ODAD1: variants seen among roughly 807,000 people sequenced by gnomAD.
ODAD1 encodes outer dynein arm docking complex subunit 1, also known as outer dynein arm-docking complex subunit 1.
In ODAD1, 49 loss-of-function variants were observed where a neutral mutation model predicts 67.2. The observed-to-expected ratio is 0.73, with a 90% CI of 0.58 to 0.92. The LOEUF (loss-of-function observed/expected upper bound fraction) is 0.92, where lower values mean the gene tolerates loss of function less well. Ranked by LOEUF, ODAD1 falls within the 40% of genes least tolerant of loss-of-function variation. The pLI, the probability that ODAD1 is intolerant of heterozygous loss-of-function variation, is 0.00. For missense variants in ODAD1, 897 were observed against 953.7 expected (o/e 0.94, Z 0.78); for synonymous variants, 345 against 393.7 (o/e 0.88, Z 1.46).
chr19:48,298,295 A>G lies in ODAD1; in HGVS notation c.1286T>C (p.Ile429Thr), dbSNP rs1161887619. 1 of 1,614,180 alleles carries G rather than the reference A, an allele frequency of 6.2e-7. No individual in the cohort carries two copies. The change falls in exon 13 of 16, where the codon ATC becomes ACC. Residue 429 changes from isoleucine to threonine, a missense_variant. Transcript: ENST00000674294. Reference protein sequence around the residue: ...FTKAHCDSSMIDDLLGVKTSM... With the variant: ...FTKAHCDSSMTDDLLGVKTSM... ...GGTCTTGACCCCAAGGAGGTCATCG[A>G]TCATGCTGCTGTCGCAATGGGCCTT...
At chr19:48,314,354 T>C (rs1968843872) in intron 5 of ODAD1, among the ~76,000 whole-genome samples, 2 of 152,188 alleles carry the variant, frequency 1.3e-5, no homozygotes, top group Admixed American at 1.3e-4. Context: ...CCTTTGGAAC[T>C]ATGAGAAAAC....
intron 8 of ODAD1, 140 bp downstream of exon 8, chr19:48,306,116 A>G (rs1600864100): frequency 1.6e-6 from 2 of 1,267,706 alleles, no homozygotes; most frequent in Non-Finnish European, 1.1e-6. Context: ...TGGCGGGGAG[A>G]GAGAAAAAGG....
At chr19:48,304,892 G>C (rs1339691638) in intron 8 of ODAD1, among the ~76,000 whole-genome samples, 1 of 152,012 alleles carries the variant, frequency 6.6e-6, no homozygotes, top group Non-Finnish European at 1.5e-5. Context: ...GTGGCAGGTA[G>C]TTTTCCTTTT....
chr19:48,297,847 G>T, intron 14 of ODAD1, 153 bp downstream of exon 14: 1 of 825,814 alleles, frequency 1.2e-6, no homozygotes, highest in Non-Finnish European at 1.8e-6. Flanking sequence ...ACTCCTTCTG[G>T]CTGCCTCGAA....
chr19:48,313,387 A>G (rs941190916), intron 5 of ODAD1, among the ~76,000 whole-genome samples: 15 of 144,616 alleles, frequency 1.0e-4, no homozygotes, highest in Admixed American at 1.0e-3. Flanking sequence ...AGATTGTGCC[A>G]CTGCACTCCA....
chr19:48,313,957 CAG>C (rs1256084694), intron 5 of ODAD1, among the ~76,000 whole-genome samples: 5 of 151,666 alleles, frequency 3.3e-5, no homozygotes, highest in African/African-American at 1.2e-4. Flanking sequence ...AGGATAAAGA[CAG>C]AGGTCAGGTG....
At chr19:48,303,375 T>C (rs979416010) in intron 10 of ODAD1, 3 of 602,582 alleles carry the variant, frequency 5.0e-6, no homozygotes, top group Admixed American at 5.9e-5. Context: ...GGGAGAACGG[T>C]AGATATGGGT....
In ODAD1 at chr19:48,297,249, G is replaced by T. The variant is rs776825671; in HGVS notation, c.1851C>A (p.Asp617Glu). 1.9e-6 allele frequency: 3 copies of T among 1,614,008 alleles called. No individual in the cohort carries two copies. Among genetic ancestry groups the T allele is most frequent in the Non-Finnish European group, 2.5e-6 (3 of 1,180,024 alleles). Residue 617 changes from aspartate (D) to glutamate (E), a missense_variant, in exon 16 of 16, where the codon GAC becomes GAA. Transcript: ENST00000674294. ...GHLPSHITHG[D>E]PNTGHVTFGS... The stretch of plus-strand genomic sequence containing the variant: ...CGAAGGTCACGTGGCCAGTGTTGGG[G>T]TCACCGTGCGTGATGTGGCTGGGCA...
chr19:48,318,722 T>C lies in ODAD1; in HGVS notation c.161A>G (p.Asn54Ser), dbSNP rs968311018. ...CAGGCGCCCAGCTCACAGTTGCTTGTTGATGCGCTGGTGGACTTCCTTGCT... is the reference window on the plus strand; with the variant it reads ...CAGGCGCCCAGCTCACAGTTGCTTGCTGATGCGCTGGTGGACTTCCTTGCT... The part of the protein sequence containing the change: ...AYSKEVHQRI[N>S]KQLEEIRRLE... Residue 54 changes from asparagine (N) to serine (S), a missense_variant, in exon 4 of 16, where the codon AAC (asparagine) becomes AGC (serine). By Grantham distance (46) the Asn-to-Ser change is conservative. Transcript: ENST00000674294. 1.5e-5 allele frequency: 24 copies of C among 1,550,354 alleles called. No individual in the cohort carries two copies. Among genetic ancestry groups the C allele is most frequent in the Non-Finnish European group, 2.0e-5 (23 of 1,145,832 alleles).
intron 7 of ODAD1, 24 bp downstream of exon 7, chr19:48,311,529 C>T: frequency 7.2e-7 from 1 of 1,397,684 alleles, no homozygotes; most frequent in South Asian, 1.2e-5. Context: ...CCTGTCTCCT[C>T]CCCTGGATTT....
chr19:48,308,166 G>C (rs949748658), intron 7 of ODAD1, among the ~76,000 whole-genome samples: 7 of 151,132 alleles, frequency 4.6e-5, no homozygotes, highest in Non-Finnish European at 1.0e-4. Flanking sequence ...AAAGAGAAGT[G>C]TTTCCTTTTT....
intron 5 of ODAD1, among the ~76,000 whole-genome samples, chr19:48,314,411 C>A (rs1968845232): frequency 6.6e-6 from 1 of 152,164 alleles, no homozygotes; most frequent in Admixed American, 6.5e-5. Flanking sequence ...TTTGTCATAG[C>A]AGCCCTAACA....
chr19:48,307,851 C>G (rs983699274), intron 7 of ODAD1, among the ~76,000 whole-genome samples: 5 of 151,152 alleles, frequency 3.3e-5, no homozygotes, highest in Non-Finnish European at 7.4e-5. Context: ...AAAACGGTCT[C>G]TTAGTGCCTC....
At chr19:48,304,464 C>T (rs1386355158) in intron 8 of ODAD1, among the ~76,000 whole-genome samples, 1 of 152,066 alleles carries the variant, frequency 6.6e-6, no homozygotes, top group Non-Finnish European at 1.5e-5. Flanking sequence ...ACTAAAAATA[C>T]AAAAATTAGC....
At position 48,296,737 on chromosome 19, in the gene ODAD1, A is replaced by G. The variant is rs1968291581; in HGVS notation, c.*239T>C. On this transcript the variant is annotated 3_prime_UTR_variant, in exon 16 of 16. Transcript: ENST00000674294. The stretch of plus-strand genomic sequence containing the variant: ...CGGACAGACACTGACCAGGAAGCCC[A>G]GAGAACAGGAGATCAGGAGTCAGAG... 1 of 1,362,032 alleles carries G rather than the reference A, an allele frequency of 7.3e-7. No homozygotes were observed. Among genetic ancestry groups the G allele is most frequent in the Non-Finnish European group, 9.4e-7 (1 of 1,060,330 alleles). 84.4% of individuals were successfully genotyped at this position (1,362,032 alleles called of 1,614,324 possible). A position where few individuals can be genotyped will look rare whatever the true frequency, so the allele number is the denominator to read the frequency against.
intron 8 of ODAD1, among the ~76,000 whole-genome samples, chr19:48,305,763 GA>G (rs1968591382): frequency 1.3e-5 from 2 of 151,412 alleles, no homozygotes; most frequent in South Asian, 4.2e-4. Context: ...ACATGCCCAA[GA>G]AAAAGAACAG....
intron 6 of ODAD1, 59 bp downstream of exon 6, chr19:48,311,935 G>A: frequency 6.7e-7 from 1 of 1,492,778 alleles, no homozygotes. Flanking sequence ...CAATGACCAT[G>A]CCCAGTTCTT....
rs10424069 is a variant in ODAD1, at chr19:48,300,275, C to A, written c.1241-1935G>T. Reference sequence around the variant, plus strand: ...CCGAGATTGTGCCACTGCACTCCAGCCTGGGCAAAAGAGCGAAATTCCTCT... The same window carrying A: ...CCGAGATTGTGCCACTGCACTCCAGACTGGGCAAAAGAGCGAAATTCCTCT... On this transcript the variant is annotated intron_variant, in intron 12 of 15. Coordinates refer to ENST00000674294, the MANE Select transcript of ODAD1 (RefSeq NM_001364171.2). Among the ~76,000 whole-genome samples, 1,073 of 152,024 alleles carry A rather than the reference C, an allele frequency of 7.1e-3. 18 individuals carry two copies. Among genetic ancestry groups the A allele is most frequent in the African/African-American group, 0.024 (1,008 of 41,450 alleles).
chr19:48,302,634 T>C, intron 12 of ODAD1, 60 bp downstream of exon 12: 1 of 1,465,766 alleles, frequency 6.8e-7, no homozygotes, highest in South Asian at 1.2e-5. Context: ...CCCCGCGGGC[T>C]GATGGTGTCC....
Sources: allele counts gnomAD v4.1 joint callset (sites outside exome capture counted in the v4.1 genomes callset), GRCh38; gene constraint gnomAD v4.1.1; transcripts MANE v1.5; gene names NCBI Gene and HGNC (gene_info 2026-07-23, HGNC 2026-07-21).